POGLUT1: variants seen among roughly 807,000 people sequenced by gnomAD.
POGLUT1 encodes the protein 9630046K23Rik.
A neutral mutation model predicts 61.3 loss-of-function variants in POGLUT1; 32 were observed. The ratio of observed to expected loss-of-function variants is 0.52; its 90% CI spans 0.39 to 0.70. POGLUT1 has a LOEUF of 0.70. Among genes scored for constraint, POGLUT1 ranks in the 30% least tolerant of loss-of-function variants. POGLUT1 has a pLI of 0.00. For missense variants in POGLUT1, 411 were observed against 469.8 expected (o/e 0.87, Z 1.16); for synonymous variants, 158 against 158.2 (o/e 1.00, Z 0.01).
At chr3:119,469,959 G>T in intron 2 of POGLUT1, 49 bp downstream of exon 2, 1 of 1,070,932 alleles carries the variant, frequency 9.3e-7, no homozygotes, top group South Asian at 1.3e-5. Context: ...TGCTGTCACA[G>T]GAAGTATTCT....
intron 10 of POGLUT1, among the ~76,000 whole-genome samples, chr3:119,491,877 C>G (rs760012254): frequency 2.6e-4 from 39 of 152,032 alleles, no homozygotes; most frequent in Non-Finnish European, 4.7e-4. Context: ...CATGGTGAAA[C>G]CCCATCTCTA....
intron 4 of POGLUT1, among the ~76,000 whole-genome samples, chr3:119,479,719 G>C (rs1367147622): frequency 6.6e-6 from 1 of 152,196 alleles, no homozygotes; most frequent in Non-Finnish European, 1.5e-5. Flanking sequence ...AACAATGAGA[G>C]AGCTCTGTGA....
rs1560034617 is a variant in POGLUT1 at position 119,480,146 on chromosome 3, G to A, written c.552G>A (p.Trp184Ter). The A allele has an allele frequency of 1.2e-6, 2 of 1,602,976 alleles. No homozygotes were observed. Among genetic ancestry groups the A allele is most frequent in the Non-Finnish European group, 1.7e-6 (2 of 1,175,648 alleles). The change falls in exon 5 of 11, where the codon TGG becomes TGA. Residue 184 changes from tryptophan to a stop codon, truncating the protein, a stop_gained. Transcript: ENST00000295588. LOFTEE classifies it high-confidence loss of function. ...TTTATCCTACAGGTCTTGGACGGTG[G>A]GACCTCTTCAGAGAAGATCTGGTAA... Reference protein sequence around the residue: ...WPIYPTGLGRWDLFREDLVRS... With the variant: ...WPIYPTGLGR
At chr3:119,485,919 T>C (rs967289181) in intron 6 of POGLUT1, among the ~76,000 whole-genome samples, 2 of 152,322 alleles carry the variant, frequency 1.3e-5, no homozygotes. Flanking sequence ...TTCAGCTCCA[T>C]AGTCCCAAGG....
intron 7 of POGLUT1, 82 bp from the exon 8 acceptor site, chr3:119,488,847 A>T: frequency 1.4e-6 from 1 of 723,884 alleles, no homozygotes; most frequent in South Asian, 1.7e-5. Context: ...AATGTTGATG[A>T]AATGTTTAAC....
Position 119,492,334 on chromosome 3 carries a change from T to G in POGLUT1, c.1075T>G (p.Trp359Gly). 1.2e-6 allele frequency: 2 copies of G among 1,610,858 alleles called. No individual in the cohort carries two copies. Among genetic ancestry groups the G allele is most frequent in the Non-Finnish European group, 1.7e-6 (2 of 1,177,522 alleles). ...GCAGATGGATGACATCACCTGTTAC[T>G]GGGAGAACCTCTTGAGTGAATACTC... The part of the protein sequence containing the change: ...HLQMDDITCY[W>G]ENLLSEYSKF... Residue 359 changes from tryptophan to glycine, a missense_variant, in exon 11 of 11, where the codon TGG becomes GGG. Physicochemically the swap from Trp to Gly is radical, Grantham distance 184 (BLOSUM62 -2). Transcript: ENST00000295588.
rs1223322491 is a variant in POGLUT1, at chr3:119,490,727, T to A, written c.965+9T>A. The A allele has an allele frequency of 6.2e-7, 1 of 1,611,590 alleles. No homozygotes were observed. Among genetic ancestry groups the A allele is most frequent in the African/African-American group, 1.3e-5 (1 of 74,850 alleles). ...GATCTCTCCAATGTCCAGTAAGCAGTTATCCCCCAATGCAGAGTTTCTAAA... is the reference window on the plus strand; with the variant it reads ...GATCTCTCCAATGTCCAGTAAGCAGATATCCCCCAATGCAGAGTTTCTAAA... On this transcript the variant is annotated intron_variant, in intron 9 of 10. Coordinates refer to ENST00000295588, the MANE Select transcript of POGLUT1 (RefSeq NM_152305.3).
Position 119,482,842 on chromosome 3 carries a change from G to T in POGLUT1, c.579-2486G>T, listed in dbSNP as rs554860372. On this transcript the variant is annotated intron_variant, in intron 5 of 10. Transcript: ENST00000295588. Reference sequence around the variant, plus strand: ...AATTCATTGTTCTTTACAGATCGAAGATTTCATTTGTTACTGTCAGAGAGG... The same window carrying T: ...AATTCATTGTTCTTTACAGATCGAATATTTCATTTGTTACTGTCAGAGAGG... Among the ~76,000 whole-genome samples the T allele has an allele frequency of 1.8e-4, 27 of 152,300 alleles. No homozygotes were observed. In the South Asian group the frequency reaches 5.0e-3, roughly 28 times the overall value.
chr3:119,493,803 A>ATTTTTTTTTTTTTTTTT lies in POGLUT1; in HGVS notation c.*1370_*1386dup. ...GGAATAAGCAGATGTTTAAAGTTGGATTTTTTTTTTTTTTTTTTTTTGAGT... is the reference window on the plus strand; with the variant it reads ...GGAATAAGCAGATGTTTAAAGTTGGATTTTTTTTTTTTTTTTTTTTTTTTTTTTTTTTTTTTTTGAGT... On this transcript the variant is annotated 3_prime_UTR_variant, in exon 11 of 11. Transcript: ENST00000295588. The ATTTTTTTTTTTTTTTTT allele has an allele frequency of 8.3e-6, 1 of 119,896 alleles. No homozygotes were observed. Among genetic ancestry groups the ATTTTTTTTTTTTTTTTT allele is most frequent in the Admixed American group, 8.7e-5 (1 of 11,504 alleles). The allele number at this position is 119,896 out of a possible 1,614,324, so 7.4% of individuals were successfully genotyped here. A position where few individuals can be genotyped will look rare whatever the true frequency, so the allele number is the denominator to read the frequency against.
intron 1 of POGLUT1, 97 bp downstream of exon 1, chr3:119,469,203 G>C (rs1315775397): frequency 2.1e-6 from 2 of 954,294 alleles, no homozygotes; most frequent in Non-Finnish European, 3.2e-6. Context: ...GGAAGATGCC[G>C]TGGCCGCTGT....
chr3:119,476,722 G>C (rs912257904), intron 3 of POGLUT1, among the ~76,000 whole-genome samples: 13 of 152,152 alleles, frequency 8.5e-5, no homozygotes, highest in African/African-American at 2.9e-4. Flanking sequence ...ATTTCCCAGG[G>C]AATCTAGTCA....
chr3:119,491,978 C>T (rs184011311), intron 10 of POGLUT1, among the ~76,000 whole-genome samples: 141 of 152,076 alleles, frequency 9.3e-4, no homozygotes, highest in African/African-American at 2.9e-3. Flanking sequence ...CACTTGAACC[C>T]GGGAGGCGGA....
intron 7 of POGLUT1, 23 bp downstream of exon 7, chr3:119,486,955 G>A (rs773470678): frequency 1.4e-6 from 2 of 1,417,634 alleles, no homozygotes; most frequent in Admixed American, 3.3e-5. Flanking sequence ...CATCTGACTA[G>A]AACTACAGCA....
At chr3:119,485,763 C>T (rs190622209) in intron 6 of POGLUT1, among the ~76,000 whole-genome samples, 104 of 152,278 alleles carry the variant, frequency 6.8e-4, no homozygotes, top group African/African-American at 2.5e-3. Context: ...GACTCATCAC[C>T]ATATCTCTTG....
intron 3 of POGLUT1, among the ~76,000 whole-genome samples, chr3:119,475,854 C>T (rs561878099): frequency 1.2e-4 from 18 of 151,864 alleles, no homozygotes; most frequent in African/African-American, 4.3e-4. Flanking sequence ...GGCACAGTGG[C>T]TCTCACCTGT....
chr3:119,475,175 C>A (rs186843053), intron 3 of POGLUT1, among the ~76,000 whole-genome samples: 2 of 152,316 alleles, frequency 1.3e-5, no homozygotes, highest in South Asian at 4.1e-4. Flanking sequence ...ATAGTCTGTA[C>A]ATTTACAAGC....
intron 2 of POGLUT1, among the ~76,000 whole-genome samples, chr3:119,470,180 C>T (rs1480943617): frequency 6.6e-6 from 1 of 152,174 alleles, no homozygotes; most frequent in African/African-American, 2.4e-5. Flanking sequence ...GCTGTTGTCT[C>T]CCTGGTGCTA....
In POGLUT1 at chr3:119,492,526, C is replaced by A; in HGVS notation, c.*88C>A. ...GCTTACCATAAGCTTGGCACCTATA[C>A]CTTGAATATCTGCTATCAAGCCAAA... On this transcript the variant is annotated 3_prime_UTR_variant, in exon 11 of 11. Coordinates refer to ENST00000295588, the MANE Select transcript of POGLUT1 (RefSeq NM_152305.3). The A allele has an allele frequency of 3.8e-6, 3 of 796,876 alleles. No homozygotes were observed. Among genetic ancestry groups the A allele is most frequent in the Non-Finnish European group, 3.8e-6 (2 of 524,628 alleles). The allele number at this position is 796,876 out of a possible 1,614,324, so 49.4% of individuals were successfully genotyped here.
At chr3:119,484,146 T>C (rs561505135) in intron 5 of POGLUT1, among the ~76,000 whole-genome samples, 33 of 152,176 alleles carry the variant, frequency 2.2e-4, no homozygotes, top group African/African-American at 6.7e-4. Context: ...AGGTGATCCA[T>C]CCAGAAAAGG....
Sources: gnomAD v4.1 joint callset for allele counts (sites outside exome capture counted in the v4.1 genomes callset) on GRCh38, gnomAD v4.1.1 for gene constraint, MANE v1.5 for transcripts, NCBI Gene and HGNC (gene_info 2026-07-23, HGNC 2026-07-21) for gene names.